RACK1: variants seen among roughly 807,000 people sequenced by gnomAD.
RACK1 encodes small ribosomal subunit protein RACK1.
A neutral mutation model predicts 42.2 loss-of-function variants in RACK1; 3 were observed. That is an observed-to-expected ratio of 0.07 (90% CI 0.03 to 0.18). RACK1 has a LOEUF of 0.18. RACK1 is among the 10% of genes least tolerant of loss of function. The pLI is 1.00. For missense variants in RACK1, 146 were observed against 403.2 expected, an observed-to-expected ratio of 0.36 and a Z score of 5.46; for synonymous variants, 181 against 154.8, an observed-to-expected ratio of 1.17 and a Z score of -1.25.
chr5:181,243,462 G>A, intron 1 of RACK1: 1 of 1,484,234 alleles, frequency 6.7e-7, no homozygotes, highest in Non-Finnish European at 8.9e-7. Context: ...AACCCTCCTA[G>A]CAGCTGCGAG....
intron 3 of RACK1, among the ~76,000 whole-genome samples, chr5:181,239,931 G>A (rs1759276454): frequency 6.6e-6 from 1 of 152,050 alleles, no homozygotes; most frequent in Non-Finnish European, 1.5e-5. Context: ...TGTAATCCCA[G>A]CTACTGGGGA....
At position 181,239,057 on chromosome 5, in the gene RACK1, C is replaced by G. The variant is rs1346588313; in HGVS notation, c.636+10G>C. 1 of 1,576,490 alleles carries G rather than the reference C, an allele frequency of 6.3e-7. No homozygotes were observed. On this transcript the variant is annotated intron_variant, in intron 5 of 7. Coordinates refer to ENST00000512805, the MANE Select transcript of RACK1 (RefSeq NM_006098.5). ...TTCCACTGAGTAGGAGACGCCTTGT[C>G]CCCAAATACCTTGCCTCCAGAAGCA...
At position 181,239,567 on chromosome 5, in the gene RACK1, C is replaced by G. The variant is rs768541673; in HGVS notation, c.445G>C (p.Glu149Gln). ...GAGAAGCGGACACAAGACACCCACT[C>G]TGAGTGGCTCTCATCCTACAGAAGA... ...KYTVQDESHS[E>Q]WVSCVRFSPN... Residue 149 changes from glutamate (E) to glutamine (Q), a missense_variant, in exon 4 of 8, where the codon GAG (glutamate) becomes CAG (glutamine). Physicochemically the swap from Glu to Gln is conservative, Grantham distance 29. Coordinates refer to ENST00000512805, the MANE Select transcript of RACK1 (RefSeq NM_006098.5). 1 of 1,612,316 alleles carries G rather than the reference C, an allele frequency of 6.2e-7. No individual in the cohort carries two copies. The highest frequency in any genetic ancestry group is 1.1e-5 in the South Asian group (1 of 91,034).
At chr5:181,237,256 C>A in intron 7 of RACK1, 2 of 897,878 alleles carry the variant, frequency 2.2e-6, no homozygotes, top group Non-Finnish European at 1.8e-6. Context: ...GCCACAACGC[C>A]GGGTAGACTG....
chr5:181,239,000 C>T (rs1216692027), intron 5 of RACK1, 67 bp downstream of exon 5: 10 of 1,001,574 alleles, frequency 1.0e-5, no homozygotes, highest in South Asian at 3.8e-5. Context: ...ACGTTAGAGA[C>T]GCTGGCTAAG....
chr5:181,240,483 A>G (rs911730330), intron 3 of RACK1: 2 of 151,862 alleles, frequency 1.3e-5, no homozygotes, highest in African/African-American at 4.8e-5. Flanking sequence ...CAACATGGTG[A>G]AACCCCATCT....
chr5:181,242,450 T>A, intron 1 of RACK1, 105 bp from the exon 2 acceptor site: 1 of 717,412 alleles, frequency 1.4e-6, no homozygotes, highest in Non-Finnish European at 2.4e-6. Flanking sequence ...TAACAACAAC[T>A]AAGGACGCTT....
intron 1 of RACK1, chr5:181,242,723 C>G (rs1026519246): frequency 2.8e-6 from 1 of 353,642 alleles, no homozygotes; most frequent in Non-Finnish European, 5.6e-6. Context: ...CCTGCCAGCA[C>G]GTCTGGCTAA....
intron 5 of RACK1, 29 bp from the exon 6 acceptor site, chr5:181,238,268 CTG>C (rs767509519): frequency 1.2e-6 from 2 of 1,609,992 alleles, no homozygotes; most frequent in Admixed American, 1.7e-5. Flanking sequence ...AATCAGGACA[CTG>C]TGACCTCTTC....
At chr5:181,237,914 TG>T in intron 6 of RACK1, 184 bp downstream of exon 6, 1 of 677,660 alleles carries the variant, frequency 1.5e-6, no homozygotes, top group Non-Finnish European at 2.6e-6. Flanking sequence ...CTGGAAATGC[TG>T]CTAAACATCC....
intron 7 of RACK1, chr5:181,237,356 AT>A (rs1759178428): frequency 5.7e-6 from 4 of 706,122 alleles, no homozygotes; most frequent in Non-Finnish European, 1.0e-5. Flanking sequence ...GGCTCCAGAC[AT>A]TTGAAAACTG....
chr5:181,237,350 C>G (rs1458763714), intron 7 of RACK1: 12 of 708,012 alleles, frequency 1.7e-5, no homozygotes, highest in Non-Finnish European at 2.8e-5. Flanking sequence ...TGATAAGGCT[C>G]CAGACATTTG....
Position 181,238,110 on chromosome 5 carries a change from T to C in RACK1, c.766A>G (p.Ile256Val). Residue 256 changes from isoleucine (I) to valine (V), a missense_variant, in exon 6 of 8, where the codon ATC becomes GTC. Ile to Val is a conservative substitution (Grantham distance 29). Transcript: ENST00000512805. The stretch of plus-strand genomic sequence containing the variant: ...TAACCCACACTCACCCAGATCTTGA[T>C]GCTGGGGCCTGTGGCAGCACACAGC... ...YWLCAATGPS[I>V]KIWDLEGKII... 6.2e-7 allele frequency: 1 copy of C among 1,614,212 alleles called. No homozygotes were observed. The highest frequency in any genetic ancestry group is 8.5e-7 in the Non-Finnish European group (1 of 1,180,020).
At position 181,236,928 on chromosome 5, in the gene RACK1, G is replaced by A. The variant is rs3179945; in HGVS notation, c.*49C>T. The A allele has an allele frequency of 3.2e-6, 5 of 1,554,456 alleles. No individual in the cohort carries two copies. The highest frequency in any genetic ancestry group is 3.5e-6 in the Non-Finnish European group (4 of 1,158,914). ...GCATATAAGAAAAAAAAACCTAAAAGTCAGAAAAGCCAGTTTTTTTTTTAT... is the reference window on the plus strand; with the variant it reads ...GCATATAAGAAAAAAAAACCTAAAAATCAGAAAAGCCAGTTTTTTTTTTAT... On this transcript the variant is annotated 3_prime_UTR_variant, in exon 8 of 8. Coordinates refer to ENST00000512805, the MANE Select transcript of RACK1 (RefSeq NM_006098.5).
chr5:181,242,072 C>T, intron 2 of RACK1, 102 bp downstream of exon 2: 1 of 1,056,614 alleles, frequency 9.5e-7, no homozygotes. Flanking sequence ...TTTCCAGTTC[C>T]CAAATGGACT....
intron 3 of RACK1, chr5:181,241,262 C>G (rs1362203758): frequency 2.1e-6 from 1 of 469,914 alleles, no homozygotes; most frequent in African/African-American, 2.0e-5. Flanking sequence ...AACCCTGTCT[C>G]TACTAAAACA....
chr5:181,242,218 G>A lies in RACK1; in HGVS notation c.237C>T (p.Leu79=). ...VVISSDGQFA[L]SGSWDGTLRL... ...GCAGGGTTCCATCCCAGGAGCCTGA[G>A]AGGGCAAACTGGCCATCTGAGGAGA... is the stretch of plus-strand genomic sequence containing the variant. Residue 79 remains leucine, a synonymous_variant, in exon 2 of 8, where the codon CTC becomes CTT. Coordinates refer to ENST00000512805, the MANE Select transcript of RACK1 (RefSeq NM_006098.5). 1 of 1,614,078 alleles carries A rather than the reference G, an allele frequency of 6.2e-7. No individual in the cohort carries two copies. The highest frequency in any genetic ancestry group is 8.5e-7 in the Non-Finnish European group (1 of 1,179,978).
chr5:181,243,594 G>A, intron 1 of RACK1, 98 bp downstream of exon 1: 2 of 1,465,980 alleles, frequency 1.4e-6, no homozygotes, highest in Non-Finnish European at 1.8e-6. Context: ...CAACTCGCGC[G>A]CCACCGGCCT....
chr5:181,240,745 G>A (rs899109968), intron 3 of RACK1, among the ~76,000 whole-genome samples: 72 of 152,266 alleles, frequency 4.7e-4, no homozygotes, highest in African/African-American at 1.6e-3. Flanking sequence ...TGTTGGCCAG[G>A]CTGCTCTCCT....
Sources: gnomAD v4.1 joint callset for allele counts (sites outside exome capture counted in the v4.1 genomes callset) on GRCh38, gnomAD v4.1.1 for gene constraint, MANE v1.5 for transcripts, NCBI Gene and HGNC (gene_info 2026-07-23, HGNC 2026-07-21) for gene names.